DYRK3: variants seen among roughly 807,000 people sequenced by gnomAD.
DYRK3 encodes the protein dual specificity tyrosine-phosphorylation-regulated kinase 3.
In DYRK3, 30 loss-of-function variants were observed where a neutral mutation model predicts 40.8. The ratio of observed to expected loss-of-function variants is 0.74; its 90% CI spans 0.55 to 1.00. DYRK3 has a LOEUF of 1.00. Among genes scored for constraint, DYRK3 ranks in the 50% least tolerant of loss-of-function variants. The pLI is 0.00. For synonymous variants in DYRK3, 272 were observed against 260.7 expected, an observed-to-expected ratio of 1.04 and a Z score of -0.42; for missense variants, 699 against 731.5, an observed-to-expected ratio of 0.96 and a Z score of 0.51.
chr1:206,644,404 A>T (rs1671390781), intron 2 of DYRK3, among the ~76,000 whole-genome samples: 1 of 152,136 alleles, frequency 6.6e-6, no homozygotes, highest in Non-Finnish European at 1.5e-5. Context: ...TTTCTTCAGG[A>T]TGTGTTTCAA....
intron 2 of DYRK3, among the ~76,000 whole-genome samples, chr1:206,643,322 G>A (rs1450708732): frequency 6.6e-6 from 1 of 152,102 alleles, no homozygotes; most frequent in Admixed American, 6.5e-5. Flanking sequence ...CATGAGTCAG[G>A]GATTCTAAGT....
rs1343507993 is a variant in DYRK3 at position 206,651,100 on chromosome 1, T to C, written c.*2135T>C. Reference sequence around the variant, plus strand: ...ATTGCCTGAAGAAGCTGTGTGAAATTAGTCTGGTTATTGGTTTTCTTGTCT... The same window carrying C: ...ATTGCCTGAAGAAGCTGTGTGAAATCAGTCTGGTTATTGGTTTTCTTGTCT... On this transcript the variant is annotated 3_prime_UTR_variant, in exon 3 of 3. Coordinates refer to ENST00000367109, the MANE Select transcript of DYRK3 (RefSeq NM_003582.4). 2.0e-5 allele frequency among the ~76,000 whole-genome samples: 3 copies of C among 152,228 alleles called. No homozygotes were observed. Among genetic ancestry groups the C allele is most frequent in the African/African-American group, 7.2e-5 (3 of 41,452 alleles).
At chr1:206,636,281 C>T (rs1553418323) in intron 1 of DYRK3, 1 of 244,364 alleles carries the variant, frequency 4.1e-6, no homozygotes, top group Non-Finnish European at 8.6e-6. Flanking sequence ...AGATTCCCCA[C>T]CTTGCGTTGT....
In DYRK3 at chr1:206,652,067, T is replaced by G. The variant is rs913934404; in HGVS notation, c.*3102T>G. Among the ~76,000 whole-genome samples, 3 of 152,196 alleles carry G rather than the reference T, an allele frequency of 2.0e-5. No homozygotes were observed. The highest frequency in any genetic ancestry group is 4.4e-5 in the Non-Finnish European group (3 of 68,034). On this transcript the variant is annotated 3_prime_UTR_variant, in exon 3 of 3. Coordinates refer to ENST00000367109, the MANE Select transcript of DYRK3 (RefSeq NM_003582.4). ...TGAATGCATTGGCCTTTGGAACTGCTGCTAAAGCCATGTGTGGGGTGGCGA... is the reference window on the plus strand; with the variant it reads ...TGAATGCATTGGCCTTTGGAACTGCGGCTAAAGCCATGTGTGGGGTGGCGA...
In DYRK3 at chr1:206,650,379, C is replaced by A. The variant is rs2102347761; in HGVS notation, c.*1414C>A. Among the ~76,000 whole-genome samples the A allele has an allele frequency of 6.6e-6, 1 of 152,170 alleles. No individual in the cohort carries two copies. Among genetic ancestry groups the A allele is most frequent in the South Asian group, 2.1e-4 (1 of 4,824 alleles). ...CCCAGGAGTTCAAGACCAGCCTGGGCAACATGGTGAAACCCTGCCTCTACA... is the reference window on the plus strand; with the variant it reads ...CCCAGGAGTTCAAGACCAGCCTGGGAAACATGGTGAAACCCTGCCTCTACA... On this transcript the variant is annotated 3_prime_UTR_variant, in exon 3 of 3. Transcript: ENST00000367109.
intron 2 of DYRK3, among the ~76,000 whole-genome samples, chr1:206,643,354 A>G (rs1158933538): frequency 6.6e-6 from 1 of 152,200 alleles, no homozygotes; most frequent in Non-Finnish European, 1.5e-5. Context: ...TATTATTGTA[A>G]TAGTTCTATG....
At position 206,653,371 on chromosome 1, in the gene DYRK3, C is replaced by T. The variant is rs1553421550; in HGVS notation, c.*4406C>T. Among the ~76,000 whole-genome samples the T allele has an allele frequency of 6.6e-6, 1 of 152,144 alleles. No homozygotes were observed. The highest frequency in any genetic ancestry group is 1.9e-4 in the East Asian group (1 of 5,200). On this transcript the variant is annotated 3_prime_UTR_variant, in exon 3 of 3. Coordinates refer to ENST00000367109, the MANE Select transcript of DYRK3 (RefSeq NM_003582.4). ...GCTAATCCACCTAATACCTGCTCAT[C>T]TTCTAGTATTCTATCCTACCATCTA... is the stretch of plus-strand genomic sequence containing the variant.
chr1:206,641,289 G>C (rs184118497), intron 2 of DYRK3, among the ~76,000 whole-genome samples: 5 of 151,906 alleles, frequency 3.3e-5, no homozygotes, highest in Admixed American at 1.3e-4. Context: ...CCCTTTCATC[G>C]TCTTCATAGC....
At chr1:206,644,292 C>A (rs1339083402) in intron 2 of DYRK3, among the ~76,000 whole-genome samples, 1 of 151,966 alleles carries the variant, frequency 6.6e-6, no homozygotes, top group African/African-American at 2.4e-5. Flanking sequence ...ACTTTGGCCT[C>A]CAAAAGTGCT....
rs1376214234 is a variant in DYRK3, at chr1:206,653,127, C to T, written c.*4162C>T. On this transcript the variant is annotated 3_prime_UTR_variant, in exon 3 of 3. Coordinates refer to ENST00000367109, the MANE Select transcript of DYRK3 (RefSeq NM_003582.4). ...CAACCTCCCAGGCTCAGGTGATTCT[C>T]CCATCTCAACCTCCAGAGTAACTGG... 6.6e-6 allele frequency among the ~76,000 whole-genome samples: 1 copy of T among 152,068 alleles called. No homozygotes were observed. Among genetic ancestry groups the T allele is most frequent in the African/African-American group, 2.4e-5 (1 of 41,414 alleles).
Position 206,638,270 on chromosome 1 carries a change from C to CTTTTT in DYRK3, c.189+529_189+533dup, listed in dbSNP as rs55807350. Reference sequence around the variant, plus strand: ...CATTTTGGGGACTGCAGACACTTAGCTTTTTTTTTTTTTTTTTTTTTTTTG... The same window carrying CTTTTT: ...CATTTTGGGGACTGCAGACACTTAGCTTTTTTTTTTTTTTTTTTTTTTTTTTTTTG... On this transcript the variant is annotated intron_variant, in intron 2 of 2. Transcript: ENST00000367109. Among the ~76,000 whole-genome samples, 53 of 73,514 alleles carry CTTTTT rather than the reference C, an allele frequency of 7.2e-4. 3 individuals are homozygous for CTTTTT. Among genetic ancestry groups the CTTTTT allele is most frequent in the East Asian group, 2.6e-3 (6 of 2,310 alleles). The allele number at this position is 73,514 out of a possible 152,430, so 48.2% of individuals were successfully genotyped here. A position where few individuals can be genotyped will look rare whatever the true frequency, so the allele number is the denominator to read the frequency against.
intron 2 of DYRK3, among the ~76,000 whole-genome samples, chr1:206,641,672 C>T (rs953902395): frequency 6.7e-6 from 1 of 150,192 alleles, no homozygotes; most frequent in Non-Finnish European, 1.5e-5. Flanking sequence ...AAGAAGAGAA[C>T]CCCTCCCTGA....
chr1:206,639,928 CTTTTTTT>C (rs1166474916), intron 2 of DYRK3, among the ~76,000 whole-genome samples: 46 of 87,502 alleles, frequency 5.3e-4, no homozygotes, highest in African/African-American at 1.6e-3. Flanking sequence ...TTACTCATTT[CTTTTTTT>C]TTTTTTTTTT....
At chr1:206,647,353 T>A (rs782127596) in intron 2 of DYRK3, 35 bp from the exon 3 acceptor site, 5 of 1,531,478 alleles carry the variant, frequency 3.3e-6, no homozygotes, top group Non-Finnish European at 4.4e-6. Context: ...CTTTCTAATG[T>A]TTTTAATGAC....
At chr1:206,635,934 C>G in intron 1 of DYRK3, 154 bp downstream of exon 1, 1 of 1,317,000 alleles carries the variant, frequency 7.6e-7, no homozygotes, top group Non-Finnish European at 9.7e-7. Flanking sequence ...CCCCCACCTC[C>G]TCTCTATCAG....
intron 2 of DYRK3, among the ~76,000 whole-genome samples, chr1:206,642,768 C>T (rs1241397122): frequency 1.3e-5 from 2 of 151,896 alleles, no homozygotes; most frequent in Admixed American, 1.3e-4. Context: ...CACACCAGGA[C>T]CTGTCGTGGG....
Position 206,647,991 on chromosome 1 carries a change from A to G in DYRK3, c.793A>G (p.Lys265Glu). Reference sequence around the variant, plus strand: ...TTTGGAGCATCTTAAGAAACAGGATAAAACTGGTAGTATGAACGTTATCCA... The same window carrying G: ...TTTGGAGCATCTTAAGAAACAGGATGAAACTGGTAGTATGAACGTTATCCA... ...RILEHLKKQD[K>E]TGSMNVIHML... The change falls in exon 3 of 3, where the codon AAA becomes GAA. Residue 265 changes from lysine to glutamate, a missense_variant. Coordinates refer to ENST00000367109, the MANE Select transcript of DYRK3 (RefSeq NM_003582.4). 1 of 1,614,212 alleles carries G rather than the reference A, an allele frequency of 6.2e-7. No homozygotes were observed. The highest frequency in any genetic ancestry group is 8.5e-7 in the Non-Finnish European group (1 of 1,180,042).
At chr1:206,639,238 T>A (rs1553418892) in intron 2 of DYRK3, among the ~76,000 whole-genome samples, 1 of 152,210 alleles carries the variant, frequency 6.6e-6, no homozygotes, top group African/African-American at 2.4e-5. Flanking sequence ...TTTTGAAGGC[T>A]GGTCACCCTA....
Position 206,648,123 on chromosome 1 carries a change from G to A in DYRK3, c.925G>A (p.Val309Ile), listed in dbSNP as rs781783476. 3.2e-5 allele frequency: 52 copies of A among 1,614,122 alleles called. No individual in the cohort carries two copies. The highest frequency in any genetic ancestry group is 1.0e-4 in the Admixed American group (6 of 60,004). ...IKKNKFQGFS[V>I]QLVRKFAQSI... ...AAAAAATAAGTTTCAGGGTTTTAGC[G>A]TCCAGTTGGTACGCAAGTTTGCCCA... The change falls in exon 3 of 3, where the codon GTC (valine) becomes ATC (isoleucine). Residue 309 changes from valine to isoleucine, a missense_variant. By Grantham distance (29) the Val-to-Ile change is conservative. Transcript: ENST00000367109.
Sources: gnomAD v4.1 joint callset for allele counts (sites outside exome capture counted in the v4.1 genomes callset) on GRCh38, gnomAD v4.1.1 for gene constraint, MANE v1.5 for transcripts, NCBI Gene and HGNC (gene_info 2026-07-23, HGNC 2026-07-21) for gene names.